AUTS2: variants seen among roughly 807,000 people sequenced by gnomAD.
AUTS2 encodes the protein activator of transcription and developmental regulator AUTS2.
AUTS2 carries 17 observed loss-of-function variants against 112.4 expected under a neutral mutation model. The ratio of observed to expected loss-of-function variants is 0.15; its 90% CI spans 0.10 to 0.23. The LOEUF is 0.23. Ranked by LOEUF, AUTS2 falls within the 10% of genes least tolerant of loss-of-function variation. The pLI is 1.00. For synonymous variants in AUTS2, 751 were observed against 702.7 expected (o/e 1.07, Z -1.09); for missense variants, 1,510 against 1,701.6 (o/e 0.89, Z 1.98).
chr7:69,982,513 A>G (rs1251934427), intron 2 of AUTS2, among the ~76,000 whole-genome samples: 3 of 152,112 alleles, frequency 2.0e-5, no homozygotes, highest in Non-Finnish European at 4.4e-5. Context: ...TGGAGTATGC[A>G]TGTTATGTAT....
intron 1 of AUTS2, among the ~76,000 whole-genome samples, chr7:69,729,111 T>A (rs116866815): frequency 5.1e-4 from 77 of 152,242 alleles, no homozygotes; most frequent in African/African-American, 1.7e-3. Flanking sequence ...CTTATTTTTT[T>A]TGTGTGTGAA....
Position 70,771,566 on chromosome 7 carries a change from T to C in AUTS2, c.1752T>C (p.Pro584=). 6 of 1,612,976 alleles carry C rather than the reference T, an allele frequency of 3.7e-6. No individual in the cohort carries two copies. The highest frequency in any genetic ancestry group is 5.1e-6 in the Non-Finnish European group (6 of 1,179,234). Residue 584 remains proline, a synonymous_variant, in exon 11 of 19, where the codon CCT becomes CCC. Coordinates refer to ENST00000342771, the MANE Select transcript of AUTS2 (RefSeq NM_015570.4). ...FYRHSLFHSY[P]PAVSGIPPMI... The stretch of plus-strand genomic sequence containing the variant: ...GGCCACAGCTCTTCCATTCCTATCC[T>C]CCTGCAGTGTCGGGCATCCCCCCTA...
intron 1 of AUTS2, among the ~76,000 whole-genome samples, chr7:69,614,316 C>CTTTCTTTCTTTT (rs1364292374): frequency 6.1e-5 from 3 of 48,802 alleles, no homozygotes; most frequent in Non-Finnish European, 9.1e-5. Context: ...CTCTCCGTCT[C>CTTTCTTTCTTTT]TTTCTTTCTT....
At chr7:70,562,655 G>T (rs1801539640) in intron 5 of AUTS2, among the ~76,000 whole-genome samples, 1 of 152,158 alleles carries the variant, frequency 6.6e-6, no homozygotes, top group African/African-American at 2.4e-5. Context: ...ATTTCTTTGT[G>T]TCCAGAGTAC....
chr7:70,523,642 T>G (rs922700363), intron 5 of AUTS2, among the ~76,000 whole-genome samples: 1 of 152,232 alleles, frequency 6.6e-6, no homozygotes, highest in African/African-American at 2.4e-5. Context: ...CTTGCTGCCC[T>G]GGGCCTTATT....
intron 1 of AUTS2, among the ~76,000 whole-genome samples, chr7:69,647,986 C>A (rs1795108737): frequency 6.6e-6 from 1 of 152,158 alleles, no homozygotes; most frequent in African/African-American, 2.4e-5. Flanking sequence ...CTGCCCTAAT[C>A]CACCCTAATC....
At chr7:70,164,695 A>G (rs577316815) in intron 4 of AUTS2, among the ~76,000 whole-genome samples, 5 of 152,322 alleles carry the variant, frequency 3.3e-5, no homozygotes, top group African/African-American at 9.6e-5. Flanking sequence ...TACAGACACA[A>G]TTCAACTACT....
intron 1 of AUTS2, among the ~76,000 whole-genome samples, chr7:69,665,598 TCCAG>T (rs2129147954): frequency 6.6e-6 from 1 of 152,348 alleles, no homozygotes; most frequent in South Asian, 2.1e-4. Flanking sequence ...CATTACTTTG[TCCAG>T]CTGTTTCTTC....
Position 70,073,515 on chromosome 7 carries a change from A to AC in AUTS2, c.523-44617_523-44616insC, listed in dbSNP as rs1802887097. 2.0e-5 allele frequency among the ~76,000 whole-genome samples: 3 copies of AC among 151,966 alleles called. No homozygotes were observed. In the South Asian group the frequency reaches 6.2e-4, roughly 32 times the overall value. On this transcript the variant is annotated intron_variant, in intron 2 of 18. Coordinates refer to ENST00000342771, the MANE Select transcript of AUTS2 (RefSeq NM_015570.4). Reference sequence around the variant, plus strand: ...GACAAAGTGAGACCTCATCTCAAAAAAAAAAAAAAAAAAATGGGATGGGTC... The same window carrying AC: ...GACAAAGTGAGACCTCATCTCAAAAACAAAAAAAAAAAAAATGGGATGGGTC...
intron 4 of AUTS2, among the ~76,000 whole-genome samples, chr7:70,297,453 C>A: frequency 6.9e-6 from 1 of 144,946 alleles, no homozygotes. Flanking sequence ...TTTATCGAGA[C>A]AGAGTCTCGC....
At chr7:70,037,576 T>G (rs1057080894) in intron 2 of AUTS2, among the ~76,000 whole-genome samples, 1 of 152,184 alleles carries the variant, frequency 6.6e-6, no homozygotes, top group Non-Finnish European at 1.5e-5. Context: ...ATTAAAAATT[T>G]TTTATATAAT....
intron 4 of AUTS2, among the ~76,000 whole-genome samples, chr7:70,191,425 C>A (rs775592730): frequency 6.6e-6 from 1 of 152,142 alleles, no homozygotes; most frequent in Non-Finnish European, 1.5e-5. Flanking sequence ...CCCACCTTGG[C>A]CTCCCAAAGT....
At chr7:69,974,139 A>C (rs114828356) in intron 2 of AUTS2, among the ~76,000 whole-genome samples, 43 of 151,056 alleles carry the variant, frequency 2.8e-4, no homozygotes, top group African/African-American at 1.0e-3. Context: ...ACTGTTTTTC[A>C]TATTTGGTGG....
chr7:70,485,049 A>G (rs1490943678), intron 5 of AUTS2, among the ~76,000 whole-genome samples: 2 of 152,252 alleles, frequency 1.3e-5, no homozygotes, highest in African/African-American at 4.8e-5. Flanking sequence ...GTAAACTGGT[A>G]CAACCACTAT....
intron 1 of AUTS2, among the ~76,000 whole-genome samples, chr7:69,602,904 A>G (rs1260191043): frequency 6.6e-6 from 1 of 152,262 alleles, no homozygotes; most frequent in Non-Finnish European, 1.5e-5. Flanking sequence ...TGATTGTTAA[A>G]TTAAAACCTC....
intron 18 of AUTS2, among the ~76,000 whole-genome samples, chr7:70,789,161 T>C (rs1791709975): frequency 6.6e-6 from 1 of 152,210 alleles, no homozygotes; most frequent in South Asian, 2.1e-4. Context: ...TGGCTTCCTT[T>C]TGAGCCTTTC....
intron 1 of AUTS2, among the ~76,000 whole-genome samples, chr7:69,684,915 C>G (rs759043641): frequency 1.3e-5 from 2 of 152,136 alleles, no homozygotes; most frequent in South Asian, 2.1e-4. Flanking sequence ...TCACAAGATG[C>G]GTCTTTCCTG....
At chr7:69,761,956 A>G (rs1584204765) in intron 1 of AUTS2, among the ~76,000 whole-genome samples, 1 of 152,188 alleles carries the variant, frequency 6.6e-6, no homozygotes, top group East Asian at 1.9e-4. Flanking sequence ...TTTATTGGGT[A>G]CCTACTATAT....
chr7:70,074,004 T>C, intron 2 of AUTS2, among the ~76,000 whole-genome samples: 1 of 152,256 alleles, frequency 6.6e-6, no homozygotes, highest in East Asian at 1.9e-4. Context: ...TTAGATTTTG[T>C]CAACTGAATA....
Sources: gnomAD v4.1 joint callset for allele counts (sites outside exome capture counted in the v4.1 genomes callset) on GRCh38, gnomAD v4.1.1 for gene constraint, MANE v1.5 for transcripts, NCBI Gene and HGNC (gene_info 2026-07-23, HGNC 2026-07-21) for gene names.